BDNF: variants seen among roughly 807,000 people sequenced by gnomAD.
BDNF encodes neurotrophic factor BDNF precursor form.
A neutral mutation model predicts 19.5 loss-of-function variants in BDNF; 1 was observed. The ratio of observed to expected loss-of-function variants is 0.05; its 90% CI spans 0.02 to 0.24. The LOEUF is 0.24. BDNF is among the 10% of genes least tolerant of loss of function. The probability of loss-of-function intolerance (pLI) is 1.00; values close to 1 mark genes in which losing one functional copy is unlikely to be tolerated. For synonymous variants in BDNF, 100 were observed against 121.6 expected, an observed-to-expected ratio of 0.82 and a Z score of 1.17; for missense variants, 195 against 317.6, an observed-to-expected ratio of 0.61 and a Z score of 2.93.
intron 1 of BDNF, among the ~76,000 whole-genome samples, chr11:27,681,614 G>A (rs1440736145): frequency 6.6e-6 from 1 of 151,640 alleles, no homozygotes; most frequent in Admixed American, 6.6e-5. Context: ...ATGAGACTCA[G>A]AGAATTACAA....
In BDNF at chr11:27,659,667, G is replaced by A. The variant is rs560830678; in HGVS notation, c.-21-1082C>T. 41 of 997,806 alleles carry A rather than the reference G, an allele frequency of 4.1e-5. No individual in the cohort carries two copies. The Admixed American group carries it at 9.8e-4, about 24-fold the overall frequency. The allele number at this position is 997,806 out of a possible 1,614,324, so 61.8% of individuals were successfully genotyped here. ...TGTGTGTGCGCGCGCGCGTGTGCGC[G>A]CGCTCTGAGTTTATCCTACTTTTAA... On this transcript the variant is annotated intron_variant, in intron 1 of 1. Transcript: ENST00000356660.
chr11:27,698,005 T>G (rs1947110996), intron 1 of BDNF: 1 of 152,092 alleles, frequency 6.6e-6, no homozygotes, highest in South Asian at 2.1e-4. Flanking sequence ...ACATACATAA[T>G]GCTTTTAGTG....
At chr11:27,712,435 A>T (rs1272654916) in intron 1 of BDNF, among the ~76,000 whole-genome samples, 1 of 152,088 alleles carries the variant, frequency 6.6e-6, no homozygotes, top group Non-Finnish European at 1.5e-5. Context: ...ATCACACAAT[A>T]TATTATTTTA....
At chr11:27,702,553 A>G (rs1859951917), upstream of BDNF, among the ~76,000 whole-genome samples, 1 of 152,180 alleles carries the variant, frequency 6.6e-6, no homozygotes, top group Non-Finnish European at 1.5e-5. Context: ...GAATTTCCCT[A>G]AAGACTCCAA....
At chr11:27,659,342 T>G in intron 1 of BDNF, 1 of 1,000,370 alleles carries the variant, frequency 1.0e-6, no homozygotes, top group Non-Finnish European at 1.2e-6. Flanking sequence ...TGGTCACAAC[T>G]GAAAATGTTT....
intron 1 of BDNF, among the ~76,000 whole-genome samples, chr11:27,682,615 G>A (rs1470412125): frequency 1.3e-5 from 2 of 151,968 alleles, no homozygotes; most frequent in African/African-American, 4.8e-5. Context: ...GTGTCCATGT[G>A]TTCTCACTGT....
At chr11:27,663,986 G>A (rs1050703620) in intron 1 of BDNF, among the ~76,000 whole-genome samples, 3 of 151,822 alleles carry the variant, frequency 2.0e-5, no homozygotes, top group African/African-American at 7.3e-5. Flanking sequence ...AGTTTCTATG[G>A]CCAAAGGTGG....
chr11:27,676,818 T>A (rs547657810), intron 1 of BDNF, among the ~76,000 whole-genome samples: 5 of 152,360 alleles, frequency 3.3e-5, no homozygotes, highest in African/African-American at 1.2e-4. Flanking sequence ...AACTCAGTCC[T>A]GAAAATAATG....
chr11:27,657,147 C>T lies in BDNF; in HGVS notation c.*674G>A, dbSNP rs1852673478. ...ATCTGATCGATATTGCAAACATCTT[C>T]ACAACATACAAATGTATCTTTTATC... On this transcript the variant is annotated 3_prime_UTR_variant, in exon 2 of 2. Transcript: ENST00000356660. This position sits in a 1 kb window ranked among gnomAD's most constrained non-coding sequence, Gnocchi z 5.0. The T allele has an allele frequency of 1.0e-6, 1 of 982,156 alleles. No homozygotes were observed. Among genetic ancestry groups the T allele is most frequent in the Non-Finnish European group, 1.2e-6 (1 of 826,748 alleles). The allele number at this position is 982,156 out of a possible 1,614,324, so 60.8% of individuals were successfully genotyped here. A position where few individuals can be genotyped will look rare whatever the true frequency, so the allele number is the denominator to read the frequency against.
chr11:27,678,598 A>T (rs904206383), intron 1 of BDNF, among the ~76,000 whole-genome samples: 3 of 152,218 alleles, frequency 2.0e-5, no homozygotes, highest in African/African-American at 7.2e-5. Flanking sequence ...TGTGAGATCA[A>T]TGTTGAATGA....
rs1485863614 is a variant in BDNF at position 27,658,964 on chromosome 11, C to G, written c.-21-379G>C. ...ACACAAAATCATAAATGTTACTAAG[C>G]AACAACTGCAAGTGTAATTAATAGT... On this transcript the variant is annotated intron_variant, in intron 1 of 1. Coordinates refer to ENST00000356660, the MANE Select transcript of BDNF (RefSeq NM_001709.5). This position sits in a 1 kb window ranked among gnomAD's most constrained non-coding sequence, Gnocchi z 5.7. 1.8e-6 allele frequency: 2 copies of G among 1,116,176 alleles called. No individual in the cohort carries two copies. The highest frequency in any genetic ancestry group is 1.1e-6 in the Non-Finnish European group (1 of 901,206). 69.1% of individuals were successfully genotyped at this position (1,116,176 alleles called of 1,614,324 possible). A position where few individuals can be genotyped will look rare whatever the true frequency, so the allele number is the denominator to read the frequency against.
At chr11:27,671,879 A>G (rs1258770968) in intron 1 of BDNF, among the ~76,000 whole-genome samples, 1 of 152,122 alleles carries the variant, frequency 6.6e-6, no homozygotes, top group Non-Finnish European at 1.5e-5. Flanking sequence ...TTTACTTATC[A>G]AAGTTGAGAA....
At chr11:27,721,203 G>A (rs1437650689) in intron 1 of BDNF, among the ~76,000 whole-genome samples, 1 of 151,900 alleles carries the variant, frequency 6.6e-6, no homozygotes, top group Non-Finnish European at 1.5e-5. Flanking sequence ...CCCCCACCCA[G>A]CTCCAAGTTT....
chr11:27,718,901 A>G (rs1014205097), intron 1 of BDNF, among the ~76,000 whole-genome samples: 12 of 152,024 alleles, frequency 7.9e-5, no homozygotes, highest in Admixed American at 2.6e-4. Flanking sequence ...CCTTTTAATT[A>G]AGAAGAGCTG....
At chr11:27,694,092 G>T (rs1590417254) in intron 1 of BDNF, among the ~76,000 whole-genome samples, 1 of 152,018 alleles carries the variant, frequency 6.6e-6, no homozygotes, top group East Asian at 1.9e-4. Flanking sequence ...ACCAGAAATT[G>T]GCACAAATTT....
chr11:27,699,578 G>A, intron 1 of BDNF: 2 of 1,498,804 alleles, frequency 1.3e-6, no homozygotes, highest in Non-Finnish European at 1.8e-6. Context: ...CCAGCGGTAG[G>A]AATTCCGCCT....
intron 1 of BDNF, among the ~76,000 whole-genome samples, chr11:27,673,714 A>G (rs896100326): frequency 1.3e-5 from 2 of 152,198 alleles, no homozygotes; most frequent in African/African-American, 4.8e-5. Flanking sequence ...TTAATTAGTT[A>G]TCTGAGCAAT....
At chr11:27,721,247 T>A (rs1860732810) in intron 1 of BDNF, among the ~76,000 whole-genome samples, 1 of 152,034 alleles carries the variant, frequency 6.6e-6, no homozygotes, top group Admixed American at 6.6e-5. Flanking sequence ...GTGTCAAATC[T>A]CAAATGATTC....
chr11:27,697,195 A>AGAGAGAGAGAGAGAGC (rs1859188309), intron 1 of BDNF, among the ~76,000 whole-genome samples: 1 of 148,684 alleles, frequency 6.7e-6, no homozygotes, highest in African/African-American at 2.5e-5. Flanking sequence ...AGAGAGAGAG[A>AGAGAGAGAGAGAGAGC]GCACCCCAGG....
Sources: gnomAD v4.1 joint callset for allele counts (sites outside exome capture counted in the v4.1 genomes callset) on GRCh38, gnomAD v4.1.1 for gene constraint, Gnocchi (gnomAD v3.1) non-coding constraint, MANE v1.5 for transcripts, NCBI Gene and HGNC (gene_info 2026-07-23, HGNC 2026-07-21) for gene names.